DNAJC10: variants seen among roughly 807,000 people sequenced by gnomAD.
DNAJC10 encodes endoplasmic reticulum disulfide reductase DNAJC10.
In DNAJC10, 101 loss-of-function variants were observed where a neutral mutation model predicts 115.0. That is an observed-to-expected ratio of 0.88 (90% CI 0.75 to 1.04). DNAJC10 has a LOEUF of 1.04. Ranked by LOEUF, DNAJC10 falls within the 50% of genes least tolerant of loss-of-function variation. The pLI is 0.00. For synonymous variants in DNAJC10, 307 were observed against 301.5 expected (o/e 1.02, Z -0.19); for missense variants, 981 against 928.8 (o/e 1.06, Z -0.73).
chr2:182,756,105 C>T (rs1694149469), intron 17 of DNAJC10, among the ~76,000 whole-genome samples: 1 of 152,140 alleles, frequency 6.6e-6, no homozygotes, highest in South Asian at 2.1e-4. Flanking sequence ...ATCCAAAAAT[C>T]TTAAATCTGA....
Position 182,740,295 on chromosome 2 carries a change from C to A in DNAJC10, c.988-4C>A. On this transcript the variant is annotated splice_region_variant and splice_polypyrimidine_tract_variant and intron_variant, in intron 11 of 23. Transcript: ENST00000264065. ...AAGATTACAATGTGATTTTCTTTTT[C>A]TAGTTTCTCAACTCATTGGATGCTA... 7.1e-7 allele frequency: 1 copy of A among 1,406,866 alleles called. No homozygotes were observed. Among genetic ancestry groups the A allele is most frequent in the South Asian group, 1.5e-5 (1 of 67,466 alleles). The allele number at this position is 1,406,866 out of a possible 1,614,324, so 87.1% of individuals were successfully genotyped here. A position where few individuals can be genotyped will look rare whatever the true frequency, so the allele number is the denominator to read the frequency against.
rs1352557245 is a variant in DNAJC10, at chr2:182,782,786, G to C, written c.*5654G>C. On this transcript the variant is annotated 3_prime_UTR_variant, in exon 24 of 24. Coordinates refer to ENST00000264065, the MANE Select transcript of DNAJC10 (RefSeq NM_018981.4). ...TAATTTTGTATCCTGAGACTTTGCT[G>C]AAGTTGCTTATCAGCTTAAGGAGTT... is the stretch of plus-strand genomic sequence containing the variant. 6.6e-6 allele frequency: 1 copy of C among 152,216 alleles called. No individual in the cohort carries two copies. The highest frequency in any genetic ancestry group is 2.4e-5 in the African/African-American group (1 of 41,466). 9.4% of individuals were successfully genotyped at this position (152,216 alleles called of 1,614,324 possible). A position where few individuals can be genotyped will look rare whatever the true frequency, so the allele number is the denominator to read the frequency against.
intron 13 of DNAJC10, 26 bp from the exon 14 acceptor site, chr2:182,743,572 T>A (rs767033786): frequency 2.0e-6 from 3 of 1,511,038 alleles, no homozygotes; most frequent in Non-Finnish European, 2.8e-6. Context: ...AGTGTTTTTA[T>A]CAAATTTGAC....
chr2:182,764,750 T>C (rs1424929819), intron 22 of DNAJC10, among the ~76,000 whole-genome samples: 1 of 152,114 alleles, frequency 6.6e-6, no homozygotes, highest in Non-Finnish European at 1.5e-5. Flanking sequence ...CCGCTAGTAA[T>C]ATACTCACCA....
chr2:182,719,318 C>A (rs1354831216), intron 3 of DNAJC10, among the ~76,000 whole-genome samples: 1 of 143,788 alleles, frequency 7.0e-6, no homozygotes, highest in Non-Finnish European at 1.5e-5. Flanking sequence ...TGCAGTGACG[C>A]CAGCGGCTTC....
intron 16 of DNAJC10, among the ~76,000 whole-genome samples, chr2:182,753,361 A>T (rs936372629): frequency 6.6e-6 from 1 of 152,166 alleles, no homozygotes; most frequent in Admixed American, 6.5e-5. Context: ...GAAGGAAAAC[A>T]AAAGAAAGCC....
chr2:182,765,399 C>T lies in DNAJC10; in HGVS notation c.2265+2598C>T, dbSNP rs147884349. Among the ~76,000 whole-genome samples the T allele has an allele frequency of 4.0e-3, 609 of 152,190 alleles. 6 individuals are homozygous for T. The highest frequency in any genetic ancestry group is 0.014 in the African/African-American group (576 of 41,538). ...TCCCACCATGTAATAACATTAAAAA[C>T]GGGGATTTAAAACATGACTCCAATA... On this transcript the variant is annotated intron_variant, in intron 22 of 23. Transcript: ENST00000264065.
chr2:182,734,430 G>C (rs1216024660), intron 10 of DNAJC10, among the ~76,000 whole-genome samples: 1 of 151,582 alleles, frequency 6.6e-6, no homozygotes, highest in Non-Finnish European at 1.5e-5. Flanking sequence ...TGATTCTACT[G>C]TGGATAATGA....
chr2:182,767,798 A>G (rs1694453018), intron 22 of DNAJC10, among the ~76,000 whole-genome samples: 1 of 152,130 alleles, frequency 6.6e-6, no homozygotes, highest in Admixed American at 6.6e-5. Context: ...GTCATGAGAC[A>G]CCTGTGGCCT....
chr2:182,722,567 CTAT>C (rs1693179594), intron 5 of DNAJC10, among the ~76,000 whole-genome samples: 1 of 151,848 alleles, frequency 6.6e-6, no homozygotes, highest in South Asian at 2.1e-4. Flanking sequence ...TTTATTTTTT[CTAT>C]TTCAGAGCAA....
chr2:182,741,970 T>C (rs1574933956), intron 13 of DNAJC10, among the ~76,000 whole-genome samples: 1 of 152,232 alleles, frequency 6.6e-6, no homozygotes, highest in Middle Eastern at 3.4e-3. Flanking sequence ...ATCATAAACT[T>C]TTTCACAGAC....
chr2:182,793,353 C>G lies in DNAJC10; in HGVS notation c.*16221C>G, dbSNP rs1695086286. The G allele has an allele frequency of 1.3e-5, 2 of 152,250 alleles. No individual in the cohort carries two copies. Among genetic ancestry groups the G allele is most frequent in the South Asian group, 2.1e-4 (1 of 4,816 alleles). 9.4% of individuals were successfully genotyped at this position (152,250 alleles called of 1,614,324 possible). On this transcript the variant is annotated 3_prime_UTR_variant, in exon 24 of 24. Coordinates refer to ENST00000264065, the MANE Select transcript of DNAJC10 (RefSeq NM_018981.4). ...TTGTAAGGACTTCAACTTCTACTCA[C>G]AGTGAAATTGTGAAATTCCAGAACC...
chr2:182,729,516 G>A (rs1461911129), intron 7 of DNAJC10, among the ~76,000 whole-genome samples: 2 of 152,128 alleles, frequency 1.3e-5, no homozygotes, highest in Non-Finnish European at 2.9e-5. Flanking sequence ...TCTGTCTTAA[G>A]GAACATAATT....
chr2:182,734,904 A>G (rs918976804), intron 10 of DNAJC10, among the ~76,000 whole-genome samples: 1 of 150,610 alleles, frequency 6.6e-6, no homozygotes, highest in Non-Finnish European at 1.5e-5. Flanking sequence ...TAATGTTGGC[A>G]TTTTTCCATT....
rs540559179 is a variant in DNAJC10 at position 182,790,636 on chromosome 2, A to G, written c.*13504A>G. On this transcript the variant is annotated 3_prime_UTR_variant, in exon 24 of 24. Coordinates refer to ENST00000264065, the MANE Select transcript of DNAJC10 (RefSeq NM_018981.4). Reference sequence around the variant, plus strand: ...CGCCGTCTCTACTAAAAATACAAAAAAAAATGGCCAGGCGTGGTGGTGCAC... The same window carrying G: ...CGCCGTCTCTACTAAAAATACAAAAGAAAATGGCCAGGCGTGGTGGTGCAC... The G allele has an allele frequency of 6.6e-6, 1 of 152,040 alleles. No individual in the cohort carries two copies. The highest frequency in any genetic ancestry group is 1.5e-5 in the Non-Finnish European group (1 of 68,020). The allele number at this position is 152,040 out of a possible 1,614,324, so 9.4% of individuals were successfully genotyped here.
chr2:182,759,240 T>G lies in DNAJC10; in HGVS notation c.2078T>G (p.Ile693Ser). Reference protein sequence around the residue: ...KVLQGKNHWVIDFYAPWCGPC... With the variant: ...KVLQGKNHWVSDFYAPWCGPC... ...CTACAAGGGAAAAATCATTGGGTGATTGATTTCTATGCTCCTTGGTGTGGA... is the reference window on the plus strand; with the variant it reads ...CTACAAGGGAAAAATCATTGGGTGAGTGATTTCTATGCTCCTTGGTGTGGA... The change falls in exon 21 of 24, where the codon ATT becomes AGT. Residue 693 changes from isoleucine to serine, a missense_variant. Physicochemically the swap from Ile to Ser is moderately radical, Grantham distance 142. Coordinates refer to ENST00000264065, the MANE Select transcript of DNAJC10 (RefSeq NM_018981.4). 1.9e-6 allele frequency: 3 copies of G among 1,612,068 alleles called. No homozygotes were observed. Among genetic ancestry groups the G allele is most frequent in the Non-Finnish European group, 2.5e-6 (3 of 1,179,436 alleles).
intron 22 of DNAJC10, among the ~76,000 whole-genome samples, chr2:182,766,797 AC>A (rs1192935973): frequency 1.3e-5 from 2 of 152,068 alleles, no homozygotes; most frequent in Non-Finnish European, 2.9e-5. Flanking sequence ...ATGTTCGCTG[AC>A]CGGGGGTATA....
At position 182,782,213 on chromosome 2, in the gene DNAJC10, C is replaced by G. The variant is rs1225258594; in HGVS notation, c.*5081C>G. On this transcript the variant is annotated 3_prime_UTR_variant, in exon 24 of 24. Coordinates refer to ENST00000264065, the MANE Select transcript of DNAJC10 (RefSeq NM_018981.4). ...ATTTATTAAATAGGGAATCCTTTCCCCATTGCTTGTTTTTGTCAGGTTTGT... is the reference window on the plus strand; with the variant it reads ...ATTTATTAAATAGGGAATCCTTTCCGCATTGCTTGTTTTTGTCAGGTTTGT... 1 of 152,140 alleles carries G rather than the reference C, an allele frequency of 6.6e-6. No individual in the cohort carries two copies. Among genetic ancestry groups the G allele is most frequent in the African/African-American group, 2.4e-5 (1 of 41,418 alleles). The allele number at this position is 152,140 out of a possible 1,614,324, so 9.4% of individuals were successfully genotyped here. A position where few individuals can be genotyped will look rare whatever the true frequency, so the allele number is the denominator to read the frequency against.
In DNAJC10 at chr2:182,726,969, G is replaced by C. The variant is rs914133029; in HGVS notation, c.419-1607G>C. On this transcript the variant is annotated intron_variant, in intron 5 of 23. Coordinates refer to ENST00000264065, the MANE Select transcript of DNAJC10 (RefSeq NM_018981.4). Reference sequence around the variant, plus strand: ...ACTCCTGGGCTCAAGTGATCCTCCTGTCTCAGCCTCCCAAAAGGCTAGATG... The same window carrying C: ...ACTCCTGGGCTCAAGTGATCCTCCTCTCTCAGCCTCCCAAAAGGCTAGATG... Among the ~76,000 whole-genome samples the C allele has an allele frequency of 3.3e-5, 5 of 151,944 alleles. No individual in the cohort carries two copies. The East Asian group carries it at 9.7e-4, about 29-fold the overall frequency.
Sources: gnomAD v4.1 joint callset for allele counts (sites outside exome capture counted in the v4.1 genomes callset) on GRCh38, gnomAD v4.1.1 for gene constraint, MANE v1.5 for transcripts, NCBI Gene and HGNC (gene_info 2026-07-23, HGNC 2026-07-21) for gene names.